SIRT1: variants seen among roughly 807,000 people sequenced by gnomAD.
SIRT1 encodes the protein NAD-dependent protein deacetylase sirtuin-1.
SIRT1 carries 24 observed loss-of-function variants against 67.9 expected under a neutral mutation model. The observed-to-expected ratio is 0.35, with a 90% confidence interval of 0.26 to 0.50. The LOEUF (loss-of-function observed/expected upper bound fraction) is 0.50. Among genes scored for constraint, SIRT1 ranks in the 20% least tolerant of loss-of-function variants. SIRT1 has a pLI of 0.98. For synonymous variants in SIRT1, 378 were observed against 350.7 expected (o/e 1.08, Z -0.87); for missense variants, 873 against 937.2 (o/e 0.93, Z 0.89).
intron 1 of SIRT1, 177 bp downstream of exon 1, chr10:67,885,328 C>T: frequency 1.6e-6 from 2 of 1,239,888 alleles, no homozygotes; most frequent in East Asian, 3.2e-5. Context: ...ACTGCGCGAG[C>T]TGCCAGTGGA....
At chr10:67,899,510 T>G (rs989104046) in intron 4 of SIRT1, among the ~76,000 whole-genome samples, 1 of 151,862 alleles carries the variant, frequency 6.6e-6, no homozygotes, top group East Asian at 1.9e-4. Flanking sequence ...GAAAAAAAAT[T>G]TGTGTTGGGA....
In SIRT1 at chr10:67,912,731, A is replaced by G. The variant is rs199497583; in HGVS notation, c.1615A>G (p.Ser539Gly). 9.3e-6 allele frequency: 15 copies of G among 1,614,046 alleles called. No individual in the cohort carries two copies. The highest frequency in any genetic ancestry group is 2.2e-5 in the South Asian group (2 of 91,092). ...PTPLHVSEDS[S>G]SPERTSPPDS... ...ACCTCTTCATGTTTCAGAAGACTCA[A>G]GTTCACCAGAAAGAACTTCACCACC... Residue 539 changes from serine (S) to glycine (G), a missense_variant, in exon 8 of 9, where the codon AGT (serine) becomes GGT (glycine). Transcript: ENST00000212015.
intron 1 of SIRT1, 21 bp downstream of exon 1, chr10:67,885,172 C>G (rs1253032202): frequency 1.5e-6 from 2 of 1,357,584 alleles, no homozygotes; most frequent in East Asian, 3.1e-5. Context: ...TGCGGGCGGC[C>G]GGAACTGCGC....
At chr10:67,902,930 A>G (rs35569938) in intron 4 of SIRT1, among the ~76,000 whole-genome samples, 33 of 152,264 alleles carry the variant, frequency 2.2e-4, no homozygotes, top group Non-Finnish European at 3.8e-4. Flanking sequence ...CCCTGTCTCT[A>G]CTAAAAACAA....
At chr10:67,887,285 C>T (rs1842498346) in intron 1 of SIRT1, 132 bp from the exon 2 acceptor site, 3 of 636,354 alleles carry the variant, frequency 4.7e-6, no homozygotes, top group Non-Finnish European at 8.6e-6. Flanking sequence ...AAGCTGACCC[C>T]ATAGGCATGC....
At chr10:67,905,335 T>C (rs1249646797) in intron 4 of SIRT1, among the ~76,000 whole-genome samples, 5 of 152,332 alleles carry the variant, frequency 3.3e-5, no homozygotes, top group Non-Finnish European at 5.9e-5. Context: ...TCTGTAAACA[T>C]TGACTTTATT....
chr10:67,911,348 G>C (rs1842895594), intron 7 of SIRT1, among the ~76,000 whole-genome samples: 1 of 152,048 alleles, frequency 6.6e-6, no homozygotes. Context: ...CGCACACCAT[G>C]CTTGGCAAAT....
At chr10:67,911,778 C>CCCTCCCTCCCTCCCTCCTAT (rs35921316) in intron 7 of SIRT1, among the ~76,000 whole-genome samples, 2 of 131,220 alleles carry the variant, frequency 1.5e-5, no homozygotes, top group African/African-American at 3.0e-5. Flanking sequence ...CTTCCTCCCA[C>CCCTCCCTCCCTCCCTCCTAT]CCTCCCTCCC....
chr10:67,892,701 A>G (rs776917054), intron 4 of SIRT1, among the ~76,000 whole-genome samples: 1 of 151,894 alleles, frequency 6.6e-6, no homozygotes, highest in Non-Finnish European at 1.5e-5. Context: ...TCCCAGGTTC[A>G]AGTGATTCTC....
At chr10:67,889,942 C>T (rs1842542398) in intron 3 of SIRT1, among the ~76,000 whole-genome samples, 1 of 151,666 alleles carries the variant, frequency 6.6e-6, no homozygotes, top group Non-Finnish European at 1.5e-5. Flanking sequence ...GTGGGCACGT[C>T]TCAAAGAAAT....
At position 67,889,142 on chromosome 10, in the gene SIRT1, T is replaced by C. The variant is rs574414458; in HGVS notation, c.789+19T>C. 3.8e-6 allele frequency: 6 copies of C among 1,577,978 alleles called. No individual in the cohort carries two copies. Among genetic ancestry groups the C allele is most frequent in the South Asian group, 2.3e-5 (2 of 87,052 alleles). On this transcript the variant is annotated intron_variant, in intron 3 of 8. Transcript: ENST00000212015. ...AGCTGGGGTATGTAAGACTAGTACA[T>C]GGGGAGGTCGTATATGTATTTTCTT...
chr10:67,898,269 AAAAAG>A (rs1321310598), intron 4 of SIRT1, among the ~76,000 whole-genome samples: 39 of 151,398 alleles, frequency 2.6e-4, no homozygotes, highest in South Asian at 2.3e-3. Flanking sequence ...AAAAAAAAAA[AAAAAG>A]AAAAGAAAAA....
chr10:67,901,732 G>T (rs1290261203), intron 4 of SIRT1, among the ~76,000 whole-genome samples: 2 of 152,200 alleles, frequency 1.3e-5, no homozygotes, highest in Non-Finnish European at 2.9e-5. Flanking sequence ...TTAATACAGG[G>T]GTTGGCGTAC....
intron 4 of SIRT1, among the ~76,000 whole-genome samples, chr10:67,896,603 C>T (rs1052455844): frequency 9.2e-5 from 14 of 151,728 alleles, no homozygotes; most frequent in Non-Finnish European, 1.9e-4. Flanking sequence ...CAGAAGAGAC[C>T]AGCCAACATG....
intron 4 of SIRT1, among the ~76,000 whole-genome samples, chr10:67,899,424 T>A (rs1842708273): frequency 6.6e-6 from 1 of 151,950 alleles, no homozygotes; most frequent in African/African-American, 2.4e-5. Flanking sequence ...AGTTTGCCCC[T>A]TCCTTCAGTC....
chr10:67,916,159 G>A, intron 8 of SIRT1, 106 bp from the exon 9 acceptor site: 2 of 982,494 alleles, frequency 2.0e-6, no homozygotes. Flanking sequence ...CTTTCATAAG[G>A]ACACTTATAA....
chr10:67,905,919 A>C (rs1842814578), intron 4 of SIRT1: 1 of 210,834 alleles, frequency 4.7e-6, no homozygotes, highest in Admixed American at 5.8e-5. Flanking sequence ...ATTGATGGAC[A>C]TATGGTTGTG....
At chr10:67,902,456 A>G (rs1382837409) in intron 4 of SIRT1, among the ~76,000 whole-genome samples, 1 of 152,260 alleles carries the variant, frequency 6.6e-6, no homozygotes, top group African/African-American at 2.4e-5. Flanking sequence ...TTTTCATGTC[A>G]GTGTTCATAA....
At chr10:67,907,063 G>A (rs1328499605) in intron 5 of SIRT1, 126 bp downstream of exon 5, 5 of 840,196 alleles carry the variant, frequency 6.0e-6, no homozygotes, top group Non-Finnish European at 6.9e-6. Context: ...CTCATTTATC[G>A]ATAACCTCAG....
Sources: gnomAD v4.1 joint callset for allele counts (sites outside exome capture counted in the v4.1 genomes callset) on GRCh38, gnomAD v4.1.1 for gene constraint, MANE v1.5 for transcripts, NCBI Gene and HGNC (gene_info 2026-07-23, HGNC 2026-07-21) for gene names.